Variants in CDK13 observed in about 807,000 individuals in gnomAD.
CDK13 encodes the protein cyclin-dependent kinase 13.
In CDK13, 40 loss-of-function variants were observed where a neutral mutation model predicts 137.6. That is an observed-to-expected ratio of 0.29 (90% CI 0.23 to 0.38). The LOEUF (loss-of-function observed/expected upper bound fraction) is 0.38. Ranked by LOEUF, CDK13 falls within the 10% of genes least tolerant of loss-of-function variation. The pLI is 1.00. For missense variants in CDK13, 1,704 were observed against 1,951.8 expected, an observed-to-expected ratio of 0.87 and a Z score of 2.39; for synonymous variants, 869 against 760.1, an observed-to-expected ratio of 1.14 and a Z score of -2.36.
intron 1 of CDK13, among the ~76,000 whole-genome samples, chr7:39,960,832 G>C (rs186095928): frequency 0.025 from 3,673 of 145,192 alleles, 140 homozygotes; most frequent in African/African-American, 0.087. Context: ...ACCTTGGCCT[G>C]TCAAAGTGCT....
At chr7:40,081,855 G>T (rs189439157) in intron 11 of CDK13, among the ~76,000 whole-genome samples, 1 of 151,944 alleles carries the variant, frequency 6.6e-6, no homozygotes, top group South Asian at 2.1e-4. Flanking sequence ...CAGGTGATCC[G>T]CCTGCCTTGG....
chr7:40,026,356 T>C (rs1785242200), intron 5 of CDK13, among the ~76,000 whole-genome samples: 1 of 151,762 alleles, frequency 6.6e-6, no homozygotes, highest in South Asian at 2.1e-4. Flanking sequence ...AACAATAAAA[T>C]ACATTAGCTG....
rs1360354169 is a variant in CDK13 at position 40,097,945 on chromosome 7, A to G, written c.*2965A>G. ...GTAATCTAGTCCTTGGGGTACATCA[A>G]TAACCGTCAACAGTGTTAAATCATA... On this transcript the variant is annotated 3_prime_UTR_variant, in exon 14 of 14. Coordinates refer to ENST00000181839, the MANE Select transcript of CDK13 (RefSeq NM_003718.5). 1 of 152,284 alleles carries G rather than the reference A, an allele frequency of 6.6e-6. No individual in the cohort carries two copies. The highest frequency in any genetic ancestry group is 2.1e-4 in the South Asian group (1 of 4,830). The allele number at this position is 152,284 out of a possible 1,614,324, so 9.4% of individuals were successfully genotyped here.
At chr7:39,970,500 G>A (rs534563192) in intron 1 of CDK13, among the ~76,000 whole-genome samples, 91 of 147,542 alleles carry the variant, frequency 6.2e-4, no homozygotes, top group Non-Finnish European at 1.0e-3. Context: ...TTACTTCTTC[G>A]TCTAGACTGG....
At chr7:40,050,484 C>T (rs372427826) in intron 7 of CDK13, among the ~76,000 whole-genome samples, 9 of 152,150 alleles carry the variant, frequency 5.9e-5, no homozygotes, top group Non-Finnish European at 7.3e-5. Context: ...CTCCGCCTCC[C>T]GGGTTCTAGC....
rs919863136 is a variant in CDK13, at chr7:40,047,723, T to G, written c.2544-98T>G. 5.5e-5 allele frequency: 32 copies of G among 579,042 alleles called. No homozygotes were observed. In the South Asian group the frequency reaches 7.1e-4, roughly 13 times the overall value. 35.9% of individuals were successfully genotyped at this position (579,042 alleles called of 1,614,324 possible). A position where few individuals can be genotyped will look rare whatever the true frequency, so the allele number is the denominator to read the frequency against. ...GAGCAGAGTTAAAGTTTACATAGGT[T>G]TTTTTTTTTTAATCAGTTCTAGGCA... is the stretch of plus-strand genomic sequence containing the variant. On this transcript the variant is annotated intron_variant, in intron 6 of 13. Transcript: ENST00000181839.
At chr7:40,077,068 A>G (rs1786562422) in intron 9 of CDK13, among the ~76,000 whole-genome samples, 1 of 152,202 alleles carries the variant, frequency 6.6e-6, no homozygotes, top group South Asian at 2.1e-4. Flanking sequence ...ACAAGGATTT[A>G]CTAGTTAATG....
intron 9 of CDK13, among the ~76,000 whole-genome samples, chr7:40,068,415 G>A (rs1250813719): frequency 1.3e-5 from 2 of 151,930 alleles, no homozygotes; most frequent in East Asian, 3.9e-4. Flanking sequence ...GAAATAGTTG[G>A]TCAGGCACAA....
At chr7:40,070,059 A>G (rs1786378106) in intron 9 of CDK13, 1 of 129,924 alleles carries the variant, frequency 7.7e-6, no homozygotes, top group Non-Finnish European at 1.6e-5. Context: ...CGTCTCTACC[A>G]AAACTACAAA....
chr7:39,971,274 T>G (rs942358223), intron 1 of CDK13, among the ~76,000 whole-genome samples: 1 of 152,058 alleles, frequency 6.6e-6, no homozygotes, highest in Admixed American at 6.6e-5. Context: ...TCCCAGCAGT[T>G]TGGGAGGCTA....
At chr7:39,954,374 A>G (rs1179519921) in intron 1 of CDK13, among the ~76,000 whole-genome samples, 2 of 152,186 alleles carry the variant, frequency 1.3e-5, no homozygotes, top group Non-Finnish European at 2.9e-5. Flanking sequence ...ATTAATGGAA[A>G]AGTTTTATTT....
At chr7:40,038,592 T>C (rs1407316354) in intron 5 of CDK13, among the ~76,000 whole-genome samples, 1 of 152,228 alleles carries the variant, frequency 6.6e-6, no homozygotes, top group Non-Finnish European at 1.5e-5. Context: ...CTACTACCAA[T>C]GTATGAAAGT....
chr7:40,099,499 T>C lies in CDK13; in HGVS notation c.*4519T>C, dbSNP rs547013102. On this transcript the variant is annotated 3_prime_UTR_variant, in exon 14 of 14. Coordinates refer to ENST00000181839, the MANE Select transcript of CDK13 (RefSeq NM_003718.5). The stretch of plus-strand genomic sequence containing the variant: ...GTCTTGTAACTGTTAACATCTAATG[T>C]ATTAATATAAGCCATTTGTTTTTTA... 6.6e-6 allele frequency: 1 copy of C among 152,318 alleles called. No individual in the cohort carries two copies. The highest frequency in any genetic ancestry group is 2.1e-4 in the South Asian group (1 of 4,828). 9.4% of individuals were successfully genotyped at this position (152,318 alleles called of 1,614,324 possible). A position where few individuals can be genotyped will look rare whatever the true frequency, so the allele number is the denominator to read the frequency against.
At chr7:40,010,120 A>G (rs182399608) in intron 5 of CDK13, among the ~76,000 whole-genome samples, 1 of 152,212 alleles carries the variant, frequency 6.6e-6, no homozygotes, top group East Asian at 1.9e-4. Flanking sequence ...TTATTATCGT[A>G]ATATAATAAA....
At chr7:40,037,417 T>A (rs1785508099) in intron 5 of CDK13, among the ~76,000 whole-genome samples, 2 of 152,184 alleles carry the variant, frequency 1.3e-5, no homozygotes, top group Non-Finnish European at 2.9e-5. Flanking sequence ...TCACTTATTC[T>A]TTACATGGGC....
chr7:40,089,945 A>G (rs1166232147), intron 12 of CDK13, among the ~76,000 whole-genome samples: 2 of 152,190 alleles, frequency 1.3e-5, no homozygotes, highest in African/African-American at 4.8e-5. Flanking sequence ...TGTAGTCTAC[A>G]AGCTTCTACT....
At chr7:40,066,520 T>G (rs1178262491) in intron 9 of CDK13, among the ~76,000 whole-genome samples, 1 of 152,230 alleles carries the variant, frequency 6.6e-6, no homozygotes, top group Non-Finnish European at 1.5e-5. Context: ...GTTTTCAATT[T>G]TTATGCTTTT....
chr7:40,057,538 A>T (rs1476050299), intron 7 of CDK13, among the ~76,000 whole-genome samples: 2 of 152,162 alleles, frequency 1.3e-5, no homozygotes, highest in East Asian at 1.9e-4. Context: ...TGCAGTGAGG[A>T]TGGGAAATGT....
At chr7:40,001,565 T>C (rs534767751) in intron 4 of CDK13, among the ~76,000 whole-genome samples, 1 of 152,138 alleles carries the variant, frequency 6.6e-6, no homozygotes, top group Non-Finnish European at 1.5e-5. Flanking sequence ...TGTAAAAGCA[T>C]CTTAGTTTTT....
Sources: gnomAD v4.1 joint callset for allele counts (sites outside exome capture counted in the v4.1 genomes callset) on GRCh38, gnomAD v4.1.1 for gene constraint, MANE v1.5 for transcripts, NCBI Gene and HGNC (gene_info 2026-07-23, HGNC 2026-07-21) for gene names.